Variants in TMEM120B observed in about 807,000 individuals in gnomAD.
The protein encoded by TMEM120B is transmembrane protein 120B.
TMEM120B carries 31 observed loss-of-function variants against 55.5 expected under a neutral mutation model. The ratio of observed to expected loss-of-function variants is 0.56; its 90% CI spans 0.42 to 0.75. The LOEUF (loss-of-function observed/expected upper bound fraction) is 0.75, where lower values mean the gene tolerates loss of function less well. TMEM120B is among the 30% of genes least tolerant of loss of function. TMEM120B has a pLI of 0.00. For synonymous variants in TMEM120B, 203 were observed against 176.3 expected (o/e 1.15, Z -1.20); for missense variants, 399 against 425.5 (o/e 0.94, Z 0.55).
Position 121,778,489 on chromosome 12 carries a change from C to G in TMEM120B, c.*2767C>G, listed in dbSNP as rs1389754647. On this transcript the variant is annotated 3_prime_UTR_variant, in exon 12 of 12. Coordinates refer to ENST00000449592, the MANE Select transcript of TMEM120B (RefSeq NM_001080825.2). ...AAAAAAAATTCCCAGACCCTCGGCC[C>G]CAGACCTTCCCAAAGGAGGCTCAGG... is the stretch of plus-strand genomic sequence containing the variant. 1 of 152,320 alleles carries G rather than the reference C, an allele frequency of 6.6e-6. No homozygotes were observed. Among genetic ancestry groups the G allele is most frequent in the Non-Finnish European group, 1.5e-5 (1 of 68,338 alleles). The allele number at this position is 152,320 out of a possible 1,614,324, so 9.4% of individuals were successfully genotyped here.
At chr12:121,732,250 C>T (rs970574476) in intron 1 of TMEM120B, among the ~76,000 whole-genome samples, 1 of 152,318 alleles carries the variant, frequency 6.6e-6, no homozygotes, top group African/African-American at 2.4e-5. Context: ...TGGGCGTGGG[C>T]GCAGAATGCC....
At chr12:121,726,208 G>T (rs1399089413) in intron 1 of TMEM120B, among the ~76,000 whole-genome samples, 1 of 152,014 alleles carries the variant, frequency 6.6e-6, no homozygotes, top group African/African-American at 2.4e-5. Context: ...CCTGGTAAAT[G>T]TATAAAAATC....
At chr12:121,748,989 T>C (rs1425732844) in intron 3 of TMEM120B, among the ~76,000 whole-genome samples, 2 of 152,170 alleles carry the variant, frequency 1.3e-5, no homozygotes, top group Non-Finnish European at 2.9e-5. Context: ...ATTGCCACCT[T>C]GTTCTGGAGA....
At chr12:121,717,200 GTAATT>G (rs2136958034) in intron 1 of TMEM120B, among the ~76,000 whole-genome samples, 1 of 152,298 alleles carries the variant, frequency 6.6e-6, no homozygotes, top group African/African-American at 2.4e-5. Context: ...ACAAGGGCAA[GTAATT>G]TAATGAGCAT....
In TMEM120B at chr12:121,722,908, G is replaced by A. The variant is rs370486925; in HGVS notation, c.69+9944G>A. ...TTGTTGCCCAGGCTGGAGTGCAATG[G>A]CGCGATCTTGGCTCACTGCAACCTC... is the stretch of plus-strand genomic sequence containing the variant. On this transcript the variant is annotated intron_variant, in intron 1 of 11. Coordinates refer to ENST00000449592, the MANE Select transcript of TMEM120B (RefSeq NM_001080825.2). Among the ~76,000 whole-genome samples, 23 of 150,532 alleles carry A rather than the reference G, an allele frequency of 1.5e-4. No individual in the cohort carries two copies. The South Asian group carries it at 4.0e-3, about 26-fold the overall frequency.
At chr12:121,748,512 ACT>A (rs1294993713) in intron 3 of TMEM120B, 70 bp downstream of exon 3, 2 of 1,012,790 alleles carry the variant, frequency 2.0e-6, no homozygotes, top group Admixed American at 2.3e-5. Flanking sequence ...GGTCCATATA[ACT>A]CTCGCCTTCC....
intron 2 of TMEM120B, 22 bp from the exon 3 acceptor site, chr12:121,748,304 G>C: frequency 2.5e-6 from 4 of 1,592,918 alleles, no homozygotes; most frequent in Non-Finnish European, 3.4e-6. Flanking sequence ...CCCTTCCCCT[G>C]TGCCTGCATC....
intron 1 of TMEM120B, among the ~76,000 whole-genome samples, chr12:121,732,691 A>G (rs1390945912): frequency 6.6e-6 from 1 of 152,156 alleles, no homozygotes; most frequent in Non-Finnish European, 1.5e-5. Context: ...ACTAAATCTA[A>G]TAACAAGGCC....
intron 1 of TMEM120B, among the ~76,000 whole-genome samples, chr12:121,716,465 G>A (rs1267304596): frequency 2.6e-5 from 4 of 151,890 alleles, no homozygotes; most frequent in South Asian, 2.1e-4. Context: ...CTTAGAATCC[G>A]GGTTGAGGGT....
chr12:121,751,136 T>C (rs1592938613), intron 4 of TMEM120B, among the ~76,000 whole-genome samples: 3 of 46,410 alleles, frequency 6.5e-5, no homozygotes, highest in African/African-American at 1.7e-4. Flanking sequence ...CCCCACACCT[T>C]ACACCCATAC....
At chr12:121,721,814 T>TTTTTC (rs1555329890) in intron 1 of TMEM120B, among the ~76,000 whole-genome samples, 1,784 of 134,548 alleles carry the variant, frequency 0.013, 70 homozygotes, top group African/African-American at 0.048. Context: ...CTTTTTTTTT[T>TTTTTC]TTTTTTTTTT....
chr12:121,726,664 G>C (rs1894900835), intron 1 of TMEM120B, among the ~76,000 whole-genome samples: 1 of 151,812 alleles, frequency 6.6e-6, no homozygotes, highest in East Asian at 1.9e-4. Flanking sequence ...CAGCACTTGG[G>C]AAGGCCAAGG....
At position 121,776,078 on chromosome 12, in the gene TMEM120B, G is replaced by C; in HGVS notation, c.*356G>C. On this transcript the variant is annotated 3_prime_UTR_variant, in exon 12 of 12. Transcript: ENST00000449592. Reference sequence around the variant, plus strand: ...GAACCCCTCTGGGTGGGGTTTGGATGTGCCTCGCGGGGTTGGATTTATGCT... The same window carrying C: ...GAACCCCTCTGGGTGGGGTTTGGATCTGCCTCGCGGGGTTGGATTTATGCT... The C allele has an allele frequency of 3.7e-6, 2 of 543,972 alleles. No individual in the cohort carries two copies. The highest frequency in any genetic ancestry group is 3.2e-6 in the Non-Finnish European group (1 of 309,600). The allele number at this position is 543,972 out of a possible 1,614,324, so 33.7% of individuals were successfully genotyped here.
intron 6 of TMEM120B, among the ~76,000 whole-genome samples, chr12:121,766,092 C>T (rs1340303828): frequency 6.6e-6 from 1 of 152,106 alleles, no homozygotes; most frequent in African/African-American, 2.4e-5. Flanking sequence ...CTGAACCCTA[C>T]GGGCCTCCTG....
chr12:121,772,844 T>C (rs925542146), intron 8 of TMEM120B, among the ~76,000 whole-genome samples: 4 of 152,260 alleles, frequency 2.6e-5, no homozygotes, highest in Non-Finnish European at 4.4e-5. Context: ...TGACGTTAGT[T>C]AAGATCTATG....
chr12:121,718,992 T>C (rs1894748586), intron 1 of TMEM120B, among the ~76,000 whole-genome samples: 4 of 152,152 alleles, frequency 2.6e-5, no homozygotes, highest in Admixed American at 2.6e-4. Flanking sequence ...ATCTGTCAGC[T>C]TAGCAGCTCT....
In TMEM120B at chr12:121,770,845, C is replaced by A. The variant is rs1037237033; in HGVS notation, c.552-62C>A. On this transcript the variant is annotated intron_variant, in intron 6 of 11. Transcript: ENST00000449592. The stretch of plus-strand genomic sequence containing the variant: ...CCCTGCTGCATAGGTGGGGCCTCAG[C>A]GAGACACATGCCTGCGTTGCTCTCC... The A allele has an allele frequency of 2.6e-6, 4 of 1,513,166 alleles. No homozygotes were observed. In the African/African-American group the frequency reaches 4.1e-5, roughly 16 times the overall value. 93.7% of individuals were successfully genotyped at this position (1,513,166 alleles called of 1,614,324 possible).
intron 3 of TMEM120B, 124 bp downstream of exon 3, chr12:121,748,566 A>G (rs1179224376): frequency 6.4e-6 from 4 of 626,464 alleles, no homozygotes; most frequent in African/African-American, 1.9e-5. Context: ...AAACAAGGGC[A>G]GGAGAGATAA....
intron 5 of TMEM120B, among the ~76,000 whole-genome samples, chr12:121,754,965 G>A (rs1249155880): frequency 1.3e-5 from 2 of 152,172 alleles, no homozygotes; most frequent in South Asian, 2.1e-4. Context: ...TACAGTGAGC[G>A]TGACAGGAGC....
Sources: gnomAD v4.1 joint callset for allele counts (sites outside exome capture counted in the v4.1 genomes callset) on GRCh38, gnomAD v4.1.1 for gene constraint, MANE v1.5 for transcripts, NCBI Gene and HGNC (gene_info 2026-07-23, HGNC 2026-07-21) for gene names.